The following SHROOM1 variants were observed in gnomAD, a reference collection of about 807,000 sequenced individuals.
SHROOM1 encodes protein Shroom1.
Under a neutral mutation model 64.2 loss-of-function variants are expected in SHROOM1, and 53 were observed. The observed-to-expected ratio is 0.83, with a 90% CI of 0.66 to 1.04. The LOEUF (loss-of-function observed/expected upper bound fraction) is 1.04. SHROOM1 is among the 50% of genes least tolerant of loss of function. The pLI, the probability that SHROOM1 is intolerant of heterozygous loss-of-function variation, is 0.00. For missense variants in SHROOM1, 1,179 were observed against 1,163.2 expected, an observed-to-expected ratio of 1.01 and a Z score of -0.20; for synonymous variants, 490 against 518.9, an observed-to-expected ratio of 0.94 and a Z score of 0.76.
Position 132,825,664 on chromosome 5 carries a change from C to G in SHROOM1, c.477G>C (p.Gln159His), listed in dbSNP as rs967376494. The change falls in exon 4 of 10, where the codon CAG (glutamine) becomes CAC (histidine). Residue 159 changes from glutamine (Q) to histidine (H), a missense_variant. Coordinates refer to ENST00000378679, the MANE Select transcript of SHROOM1 (RefSeq NM_001172700.2). This position sits in a 1 kb window ranked among gnomAD's most constrained non-coding sequence, Gnocchi z 5.1. ...GCAGGCTCATGCGGAGCTCCTTGCGCTGGAACGACGTCTCCCGGAGCACTC... is the reference window on the plus strand; with the variant it reads ...GCAGGCTCATGCGGAGCTCCTTGCGGTGGAACGACGTCTCCCGGAGCACTC... ...QRRVLRETSF[Q>H]RKELRMSLPA... 5.2e-6 allele frequency: 7 copies of G among 1,356,614 alleles called. No homozygotes were observed. The African/African-American group carries it at 1.1e-4, about 21-fold the overall frequency. The allele number at this position is 1,356,614 out of a possible 1,614,324, so 84.0% of individuals were successfully genotyped here.
Position 132,826,344 on chromosome 5 carries a change from G to T in SHROOM1, c.-110C>A. On this transcript the variant is annotated 5_prime_UTR_variant, in exon 3 of 10. Transcript: ENST00000378679. ...CCAGATTTTGGCAGAGTCACCTTGG[G>T]ATCAGAGGTGGCAGAGGAAGTAGGA... The T allele has an allele frequency of 1.7e-6, 2 of 1,174,554 alleles. No homozygotes were observed. Among genetic ancestry groups the T allele is most frequent in the South Asian group, 4.1e-5 (1 of 24,606 alleles). The allele number at this position is 1,174,554 out of a possible 1,614,324, so 72.8% of individuals were successfully genotyped here.
In SHROOM1 at chr5:132,823,508, G is replaced by A; in HGVS notation, c.1968C>T (p.Ala656=). 2 of 1,600,992 alleles carry A rather than the reference G, an allele frequency of 1.2e-6. No homozygotes were observed. Among genetic ancestry groups the A allele is most frequent in the Non-Finnish European group, 8.5e-7 (1 of 1,170,166 alleles). The change falls in exon 9 of 10, where the codon GCC becomes GCT. Residue 656 remains alanine, a synonymous_variant. Transcript: ENST00000378679. The surrounding 1 kb of genome is among the most constrained non-coding windows in gnomAD (Gnocchi z 4.6). ...SIQGKKVELA[A]RLQKMLQDLH... is the part of the protein sequence containing the mutation. ...GGTCCTGAAGCATCTTTTGGAGGCGGGCGGCCAGCTCCACCTACAGGGAAG... is the reference window on the plus strand; with the variant it reads ...GGTCCTGAAGCATCTTTTGGAGGCGAGCGGCCAGCTCCACCTACAGGGAAG...
rs1758788700 is a variant in SHROOM1, at chr5:132,829,471, A to G, written c.-501+1123T>C. ...TTTTTAGTTAGAGGTTACTGGGGAA[A>G]TAGCTGAAGACAGTTTCCGGTGGAT... On this transcript the variant is annotated intron_variant, in intron 1 of 9. Transcript: ENST00000378679. 7.2e-6 allele frequency: 5 copies of G among 690,116 alleles called. No homozygotes were observed. The South Asian group carries it at 1.9e-4, about 27-fold the overall frequency. The allele number at this position is 690,116 out of a possible 1,614,324, so 42.7% of individuals were successfully genotyped here. A position where few individuals can be genotyped will look rare whatever the true frequency, so the allele number is the denominator to read the frequency against.
Position 132,824,435 on chromosome 5 carries a change from A to G in SHROOM1, c.1242-16T>C. ...GGCATGGACACTGGAAGCAGAAAAG[A>G]CACTGAATCAGAAAAAGCTCCAGCC... On this transcript the variant is annotated splice_polypyrimidine_tract_variant and intron_variant, in intron 6 of 9. Transcript: ENST00000378679. 6.6e-7 allele frequency: 1 copy of G among 1,523,392 alleles called. No homozygotes were observed. The highest frequency in any genetic ancestry group is 8.8e-7 in the Non-Finnish European group (1 of 1,137,772). The allele number at this position is 1,523,392 out of a possible 1,614,324, so 94.4% of individuals were successfully genotyped here. A position where few individuals can be genotyped will look rare whatever the true frequency, so the allele number is the denominator to read the frequency against.
In SHROOM1 at chr5:132,826,230, C is replaced by A. The variant is rs1205984882; in HGVS notation, c.-43+47G>T. ...CCGGGTGAGGAGCTCCGGGTGAGGGCTGGGACAGCCTGCTGGCCCCGCCAC... is the reference window on the plus strand; with the variant it reads ...CCGGGTGAGGAGCTCCGGGTGAGGGATGGGACAGCCTGCTGGCCCCGCCAC... On this transcript the variant is annotated intron_variant, in intron 3 of 9. Coordinates refer to ENST00000378679, the MANE Select transcript of SHROOM1 (RefSeq NM_001172700.2). 17 of 1,258,840 alleles carry A rather than the reference C, an allele frequency of 1.4e-5. No individual in the cohort carries two copies. The East Asian group carries it at 1.9e-4, about 14-fold the overall frequency. 78.0% of individuals were successfully genotyped at this position (1,258,840 alleles called of 1,614,324 possible).
intron 1 of SHROOM1, among the ~76,000 whole-genome samples, chr5:132,828,349 A>G (rs1040448593): frequency 6.6e-6 from 1 of 152,198 alleles, no homozygotes; most frequent in African/African-American, 2.4e-5. Context: ...GGGCATTTGT[A>G]TATGCCTACT....
rs1353841671 is a variant in SHROOM1 at position 132,826,344 on chromosome 5, G to A, written c.-110C>T. 4.3e-6 allele frequency: 5 copies of A among 1,174,438 alleles called. No individual in the cohort carries two copies. Among genetic ancestry groups the A allele is most frequent in the Non-Finnish European group, 5.4e-6 (5 of 933,734 alleles). The allele number at this position is 1,174,438 out of a possible 1,614,324, so 72.8% of individuals were successfully genotyped here. A position where few individuals can be genotyped will look rare whatever the true frequency, so the allele number is the denominator to read the frequency against. ...CCAGATTTTGGCAGAGTCACCTTGG[G>A]ATCAGAGGTGGCAGAGGAAGTAGGA... On this transcript the variant is annotated 5_prime_UTR_variant, in exon 3 of 10. Coordinates refer to ENST00000378679, the MANE Select transcript of SHROOM1 (RefSeq NM_001172700.2).
In SHROOM1 at chr5:132,823,654, G is replaced by C. The variant is rs766831507; in HGVS notation, c.1922C>G (p.Pro641Arg). Residue 641 changes from proline to arginine, a missense_variant, in exon 8 of 10, where the codon CCT (proline) becomes CGT (arginine). Transcript: ENST00000378679. This position sits in a 1 kb window ranked among gnomAD's most constrained non-coding sequence, Gnocchi z 4.6. Reference sequence around the variant, plus strand: ...GCCCTGGATGCTGTTGTTTGGTGCAGGGAGCCCCTGCCCACATGGCTGGTC... The same window carrying C: ...GCCCTGGATGCTGTTGTTTGGTGCACGGAGCCCCTGCCCACATGGCTGGTC... Reference protein sequence around the residue: ...VLDQPCGQGLPAPNNSIQGKK... With the variant: ...VLDQPCGQGLRAPNNSIQGKK... The C allele has an allele frequency of 6.2e-7, 1 of 1,607,770 alleles. No individual in the cohort carries two copies. The highest frequency in any genetic ancestry group is 1.3e-5 in the African/African-American group (1 of 74,788).
Position 132,822,789 on chromosome 5 carries a change from C to T in SHROOM1, c.*7G>A, listed in dbSNP as rs1161180670. On this transcript the variant is annotated 3_prime_UTR_variant, in exon 10 of 10. Transcript: ENST00000378679. ...GGGGCGGTGCACCCCACCCTCTCCA[C>T]CTATAACTATGTAAGGAGAAGAGGG... The T allele has an allele frequency of 1.9e-6, 3 of 1,587,484 alleles. No homozygotes were observed. Among genetic ancestry groups the T allele is most frequent in the East Asian group, 2.3e-5 (1 of 43,758 alleles).
intron 5 of SHROOM1, 49 bp downstream of exon 5, chr5:132,824,969 T>C (rs2150028643): frequency 1.2e-6 from 2 of 1,608,788 alleles, no homozygotes; most frequent in Non-Finnish European, 1.7e-6. Context: ...GCAAAAGCTA[T>C]GCAAGCTGCT....
chr5:132,825,887 G>C lies in SHROOM1; in HGVS notation c.254C>G (p.Pro85Arg). ...ACTGCGGGCTGCAACCGCGGGCCGG[G>C]GCCGCGGGGATGTGCAAAGGGCAGC... ...PDAALCTSPRPRPAVAARSGP... is the reference protein window; with the variant it reads ...PDAALCTSPRRRPAVAARSGP... Residue 85 changes from proline (P) to arginine (R), a missense_variant, in exon 4 of 10, where the codon CCC becomes CGC. Coordinates refer to ENST00000378679, the MANE Select transcript of SHROOM1 (RefSeq NM_001172700.2). This position sits in a 1 kb window ranked among gnomAD's most constrained non-coding sequence, Gnocchi z 5.1. 1 of 1,310,960 alleles carries C rather than the reference G, an allele frequency of 7.6e-7. No homozygotes were observed. The highest frequency in any genetic ancestry group is 9.8e-7 in the Non-Finnish European group (1 of 1,024,048). 81.2% of individuals were successfully genotyped at this position (1,310,960 alleles called of 1,614,324 possible). A position where few individuals can be genotyped will look rare whatever the true frequency, so the allele number is the denominator to read the frequency against.
chr5:132,827,668 G>T (rs1379775569), intron 1 of SHROOM1, 61 bp from the exon 2 acceptor site: 1 of 151,818 alleles, frequency 6.6e-6, no homozygotes, highest in Non-Finnish European at 1.5e-5. Context: ...TTTGCTGAAT[G>T]TCAAGGGAAA....
rs1309869819 is a variant in SHROOM1 at position 132,823,483 on chromosome 5, G to A, written c.1993C>T (p.Leu665Phe). The change falls in exon 9 of 10, where the codon CTT becomes TTT. Residue 665 changes from leucine (L) to phenylalanine (F), a missense_variant. Leu to Phe is a conservative substitution (Grantham distance 22). Coordinates refer to ENST00000378679, the MANE Select transcript of SHROOM1 (RefSeq NM_001172700.2). This position sits in a 1 kb window ranked among gnomAD's most constrained non-coding sequence, Gnocchi z 4.6. ...TGCAGCCGCTCCTGCTCCGTGTGAA[G>A]GTCCTGAAGCATCTTTTGGAGGCGG... ...AARLQKMLQD[L>F]HTEQERLQGE... 5.0e-6 allele frequency: 8 copies of A among 1,606,296 alleles called. No individual in the cohort carries two copies. The Admixed American group carries it at 1.2e-4, about 23-fold the overall frequency.
Position 132,822,662 on chromosome 5 carries a change from T to G in SHROOM1, c.*134A>C. 9.1e-7 allele frequency: 1 copy of G among 1,101,062 alleles called. No individual in the cohort carries two copies. The highest frequency in any genetic ancestry group is 1.3e-6 in the Non-Finnish European group (1 of 784,688). The allele number at this position is 1,101,062 out of a possible 1,614,324, so 68.2% of individuals were successfully genotyped here. ...ACAGGCGTGAGCCACCGCGCCCGGC[T>G]GGAGGAGTATCTTAGAAAGGCCTGG... On this transcript the variant is annotated 3_prime_UTR_variant, in exon 10 of 10. Transcript: ENST00000378679.
Position 132,823,992 on chromosome 5 carries a change from A to G in SHROOM1, c.1669T>C (p.Cys557Arg), listed in dbSNP as rs566027853. ...CTGGGCTGGGAAGCAAGAGGGTCAC[A>G]TAGAGAGGGATCTAATCTGGCCAGC... ...QELARLDPSL[C>R]DPLASQPSPE... is the part of the protein sequence containing the mutation. The change falls in exon 7 of 10, where the codon TGT (cysteine) becomes CGT (arginine). Residue 557 changes from cysteine to arginine, a missense_variant. Transcript: ENST00000378679. The surrounding 1 kb of genome is among the most constrained non-coding windows in gnomAD (Gnocchi z 4.6). 1 of 1,606,284 alleles carries G rather than the reference A, an allele frequency of 6.2e-7. No homozygotes were observed. The highest frequency in any genetic ancestry group is 1.1e-5 in the South Asian group (1 of 89,364).
chr5:132,824,219 G>T lies in SHROOM1; in HGVS notation c.1442C>A (p.Thr481Asn). ...GGTGGTCAGTCCAGTGGGGTCAATAGTTGGGATGTTATCATTTGCAGTCCC... is the reference window on the plus strand; with the variant it reads ...GGTGGTCAGTCCAGTGGGGTCAATATTTGGGATGTTATCATTTGCAGTCCC... ...PTGTANDNIP[T>N]IDPTGLTTNP... The change falls in exon 7 of 10, where the codon ACT (threonine) becomes AAT (asparagine). Residue 481 changes from threonine to asparagine, a missense_variant. Transcript: ENST00000378679. 6.2e-7 allele frequency: 1 copy of T among 1,614,202 alleles called. No homozygotes were observed. The highest frequency in any genetic ancestry group is 1.3e-5 in the African/African-American group (1 of 75,056).
At position 132,825,430 on chromosome 5, in the gene SHROOM1, C is replaced by T. The variant is rs1484520885; in HGVS notation, c.711G>A (p.Gly237=). ...CCTCACCCAGGCATTCCCGCGCCGGCCCACCGCCCCGACCCACACGATCCA... is the reference window on the plus strand; with the variant it reads ...CCTCACCCAGGCATTCCCGCGCCGGTCCACCGCCCCGACCCACACGATCCA... ...GKLDRVGRGG[G]PARECLGEAC... is the part of the protein sequence containing the mutation. Residue 237 remains glycine (G), a synonymous_variant, in exon 4 of 10, where the codon GGG becomes GGA. Transcript: ENST00000378679. The surrounding 1 kb of genome is among the most constrained non-coding windows in gnomAD (Gnocchi z 5.1). 6 of 1,591,298 alleles carry T rather than the reference C, an allele frequency of 3.8e-6. No homozygotes were observed. The highest frequency in any genetic ancestry group is 5.1e-6 in the Non-Finnish European group (6 of 1,175,772).
rs1174959620 is a variant in SHROOM1, at chr5:132,826,280, T to A, written c.-46A>T. On this transcript the variant is annotated 5_prime_UTR_variant, in exon 3 of 10. Transcript: ENST00000378679. ...CCACGGACGGCCAGACACTTACACT[T>A]CCCCTCCCTGGTCACACCGTCACAA... is the stretch of plus-strand genomic sequence containing the variant. The A allele has an allele frequency of 4.0e-6, 5 of 1,249,300 alleles. No individual in the cohort carries two copies. Among genetic ancestry groups the A allele is most frequent in the Non-Finnish European group, 5.0e-6 (5 of 998,266 alleles). The allele number at this position is 1,249,300 out of a possible 1,614,324, so 77.4% of individuals were successfully genotyped here.
chr5:132,822,565 G>A lies in SHROOM1; in HGVS notation c.*231C>T, dbSNP rs1758477634. Reference sequence around the variant, plus strand: ...TTTTTAGTAGAGACGGGGTTTCACCGTGTTAGCCAGGATGGTCTCGATCTC... The same window carrying A: ...TTTTTAGTAGAGACGGGGTTTCACCATGTTAGCCAGGATGGTCTCGATCTC... On this transcript the variant is annotated 3_prime_UTR_variant, in exon 10 of 10. Coordinates refer to ENST00000378679, the MANE Select transcript of SHROOM1 (RefSeq NM_001172700.2). 4 of 470,732 alleles carry A rather than the reference G, an allele frequency of 8.5e-6. No homozygotes were observed. The highest frequency in any genetic ancestry group is 4.0e-5 in the East Asian group (1 of 25,306). 29.2% of individuals were successfully genotyped at this position (470,732 alleles called of 1,614,324 possible).
Sources: allele counts gnomAD v4.1 joint callset (sites outside exome capture counted in the v4.1 genomes callset), GRCh38; gene constraint gnomAD v4.1.1; non-coding constraint Gnocchi (gnomAD v3.1); transcripts MANE v1.5; gene names NCBI Gene and HGNC (gene_info 2026-07-23, HGNC 2026-07-21).